TCF12: variants seen among roughly 807,000 people sequenced by gnomAD.
The protein encoded by TCF12 is transcription factor 12, also known as DNA-binding protein HTF4.
In TCF12, 45 loss-of-function variants were observed where a neutral mutation model predicts 86.0. That is an observed-to-expected ratio of 0.52 (90% CI 0.41 to 0.67). The LOEUF is 0.67. Ranked by LOEUF, TCF12 falls within the 30% of genes least tolerant of loss-of-function variation. The pLI is 0.00. For missense variants in TCF12, 881 were observed against 859.9 expected, an observed-to-expected ratio of 1.02 and a Z score of -0.31; for synonymous variants, 330 against 299.6, an observed-to-expected ratio of 1.10 and a Z score of -1.05.
intron 16 of TCF12, among the ~76,000 whole-genome samples, chr15:57,255,382 A>G (rs951097218): frequency 6.6e-6 from 1 of 152,226 alleles, no homozygotes; most frequent in Admixed American, 6.5e-5. Context: ...CCTAAAACTT[A>G]TAACTAAGAA....
At chr15:57,223,982 G>C (rs971583359) in intron 8 of TCF12, among the ~76,000 whole-genome samples, 3 of 151,882 alleles carry the variant, frequency 2.0e-5, no homozygotes, top group Non-Finnish European at 4.4e-5. Flanking sequence ...AAGGACTTCA[G>C]CATAAACCTA....
At position 57,019,461 on chromosome 15, in the gene TCF12, A is replaced by G. The variant is rs559296424; in HGVS notation, c.149-44289A>G. Among the ~76,000 whole-genome samples, 9 of 152,256 alleles carry G rather than the reference A, an allele frequency of 5.9e-5. No homozygotes were observed. The East Asian group carries it at 1.4e-3, about 23-fold the overall frequency. On this transcript the variant is annotated intron_variant, in intron 3 of 20. Transcript: ENST00000333725. The stretch of plus-strand genomic sequence containing the variant: ...AGGACAAGAGTTTATTATTACTCAA[A>G]TCAGCCTCCCTGGGAACTCAGAGGG...
At chr15:57,284,087 G>T (rs1292206867) in intron 20 of TCF12, among the ~76,000 whole-genome samples, 1 of 152,170 alleles carries the variant, frequency 6.6e-6, no homozygotes. Context: ...CTAAAACCTA[G>T]ATCATTGTTT....
At position 57,271,752 on chromosome 15, in the gene TCF12, T is replaced by G. The variant is rs191034706; in HGVS notation, c.1746-1278T>G. ...ACCCACCTCGGCAATGTATTTTTTTTAAGTATTTTGTTTTTGTTTTGGATC... is the reference window on the plus strand; with the variant it reads ...ACCCACCTCGGCAATGTATTTTTTTGAAGTATTTTGTTTTTGTTTTGGATC... On this transcript the variant is annotated intron_variant, in intron 18 of 20. Coordinates refer to ENST00000333725, the MANE Select transcript of TCF12 (RefSeq NM_207037.2). Among the ~76,000 whole-genome samples the G allele has an allele frequency of 2.4e-4, 37 of 152,354 alleles. 1 individual carries two copies. The East Asian group carries it at 7.1e-3, about 29-fold the overall frequency.
chr15:57,012,253 TAGAA>T (rs1386075243), intron 3 of TCF12, among the ~76,000 whole-genome samples: 6 of 152,296 alleles, frequency 3.9e-5, no homozygotes, highest in South Asian at 2.1e-4. Context: ...TTACTGTTAT[TAGAA>T]AGAAAGAAGT....
At chr15:57,186,554 T>A (rs2056678147) in intron 6 of TCF12, among the ~76,000 whole-genome samples, 1 of 152,132 alleles carries the variant, frequency 6.6e-6, no homozygotes, top group Non-Finnish European at 1.5e-5. Flanking sequence ...CTACCAGTCA[T>A]TTAAAGAAGA....
chr15:57,040,073 T>C (rs1484302801), intron 3 of TCF12, among the ~76,000 whole-genome samples: 2 of 152,234 alleles, frequency 1.3e-5, no homozygotes, highest in East Asian at 3.8e-4. Flanking sequence ...ATTATTGGCT[T>C]TTTGAGTAAC....
At chr15:57,065,819 A>G (rs1056119412) in intron 4 of TCF12, among the ~76,000 whole-genome samples, 20 of 152,158 alleles carry the variant, frequency 1.3e-4, no homozygotes, top group African/African-American at 4.8e-4. Flanking sequence ...TAGTTTATTT[A>G]TTTTTAGTAT....
intron 3 of TCF12, among the ~76,000 whole-genome samples, chr15:56,948,910 T>C (rs1224754664): frequency 6.6e-6 from 1 of 152,146 alleles, no homozygotes; most frequent in African/African-American, 2.4e-5. Context: ...CTAGAAGAAA[T>C]AGACAAGGCC....
intron 5 of TCF12, among the ~76,000 whole-genome samples, chr15:57,120,002 C>T (rs1292180194): frequency 6.6e-6 from 1 of 152,184 alleles, no homozygotes; most frequent in African/African-American, 2.4e-5. Context: ...CTTATAATTA[C>T]ACATTTAGTT....
chr15:57,240,624 G>A (rs1217674899), intron 12 of TCF12, among the ~76,000 whole-genome samples: 2 of 152,172 alleles, frequency 1.3e-5, no homozygotes, highest in African/African-American at 4.8e-5. Context: ...GCTCACGCCT[G>A]TAATCCCAGC....
intron 3 of TCF12, among the ~76,000 whole-genome samples, chr15:56,974,806 A>G (rs745551124): frequency 1.3e-5 from 2 of 152,042 alleles, no homozygotes; most frequent in Non-Finnish European, 2.9e-5. Flanking sequence ...TTCTCTACCA[A>G]CCTTTTACTT....
At chr15:57,119,902 A>G (rs769849010) in intron 5 of TCF12, among the ~76,000 whole-genome samples, 6 of 152,164 alleles carry the variant, frequency 3.9e-5, no homozygotes, top group Admixed American at 2.6e-4. Context: ...CTGTCTCAGA[A>G]CCTTAGCTAA....
intron 3 of TCF12, among the ~76,000 whole-genome samples, chr15:56,970,291 C>A (rs2062225132): frequency 6.6e-6 from 1 of 151,656 alleles, no homozygotes; most frequent in African/African-American, 2.4e-5. Flanking sequence ...GTCAGCCTGG[C>A]CAATATAGTG....
chr15:57,252,909 A>G lies in TCF12; in HGVS notation c.1261-353A>G, dbSNP rs150816218. On this transcript the variant is annotated intron_variant, in intron 15 of 20. Transcript: ENST00000333725. ...AAATTGCCATCATTCAAAGATCAGT[A>G]TTAAAGTATAGGTTGTACTTTTTTT... Among the ~76,000 whole-genome samples, 721 of 147,768 alleles carry G rather than the reference A, an allele frequency of 4.9e-3. 9 individuals are homozygous for G. Among genetic ancestry groups the G allele is most frequent in the African/African-American group, 0.017 (671 of 40,160 alleles).
chr15:57,176,755 T>G (rs1488558599), intron 6 of TCF12, among the ~76,000 whole-genome samples: 1 of 152,132 alleles, frequency 6.6e-6, no homozygotes, highest in African/African-American at 2.4e-5. Flanking sequence ...TTAAACTTTG[T>G]GACTGGAAAA....
intron 5 of TCF12, among the ~76,000 whole-genome samples, chr15:57,143,325 C>A (rs536910668): frequency 6.6e-6 from 1 of 152,254 alleles, no homozygotes; most frequent in South Asian, 2.1e-4. Context: ...CTTATTTGTA[C>A]AGTACACATC....
intron 5 of TCF12, among the ~76,000 whole-genome samples, chr15:57,102,080 C>T (rs2049798257): frequency 6.7e-6 from 1 of 150,182 alleles, no homozygotes; most frequent in South Asian, 2.1e-4. Flanking sequence ...ATGAAGTAGG[C>T]CATAAACATA....
At chr15:57,208,712 T>G (rs185750434) in intron 8 of TCF12, among the ~76,000 whole-genome samples, 50 of 150,560 alleles carry the variant, frequency 3.3e-4, no homozygotes, top group African/African-American at 1.1e-3. Flanking sequence ...AAAAAAAATT[T>G]TTTTTTTTCT....
Sources: gnomAD v4.1 joint callset for allele counts (sites outside exome capture counted in the v4.1 genomes callset) on GRCh38, gnomAD v4.1.1 for gene constraint, MANE v1.5 for transcripts, NCBI Gene and HGNC (gene_info 2026-07-23, HGNC 2026-07-21) for gene names.